The following RUNX1T1 variants were observed in gnomAD, a reference collection of about 807,000 sequenced individuals.
RUNX1T1 encodes the protein RUNX1 partner transcriptional co-repressor 1, also known as protein CBFA2T1.
A neutral mutation model predicts 62.8 loss-of-function variants in RUNX1T1; 4 were observed. That is an observed-to-expected ratio of 0.06 (90% CI 0.03 to 0.15). The LOEUF is 0.15. Among genes scored for constraint, RUNX1T1 ranks in the 10% least tolerant of loss-of-function variants. The pLI is 1.00. For missense variants in RUNX1T1, 508 were observed against 754.3 expected (o/e 0.67, Z 3.82); for synonymous variants, 291 against 286.0 (o/e 1.02, Z -0.18).
intron 1 of RUNX1T1, among the ~76,000 whole-genome samples, chr8:92,030,514 G>C (rs931808450): frequency 2.6e-5 from 4 of 152,174 alleles, no homozygotes; most frequent in Non-Finnish European, 5.9e-5. Flanking sequence ...AGTTTCTTCA[G>C]TAATAGAAAG....
chr8:92,084,486 A>G (rs562335676), intron 1 of RUNX1T1, among the ~76,000 whole-genome samples: 30 of 152,334 alleles, frequency 2.0e-4, no homozygotes, highest in Non-Finnish European at 4.3e-4. Flanking sequence ...CTTTAGTCTC[A>G]GCAGTGAAAT....
At chr8:91,974,207 T>G (rs1028557210) in intron 9 of RUNX1T1, among the ~76,000 whole-genome samples, 16 of 152,094 alleles carry the variant, frequency 1.1e-4, no homozygotes, top group African/African-American at 3.6e-4. Flanking sequence ...AAACAACTGA[T>G]TAAGTGGAAA....
At chr8:91,990,516 G>A (rs952943634) in intron 6 of RUNX1T1, among the ~76,000 whole-genome samples, 6 of 152,208 alleles carry the variant, frequency 3.9e-5, no homozygotes, top group Admixed American at 2.6e-4. Context: ...ATAACCCTCT[G>A]ATACACTATC....
downstream of RUNX1T1, chr8:91,956,175 C>CA (rs1415271038): frequency 1.7e-5 from 4 of 230,446 alleles, no homozygotes; most frequent in Non-Finnish European, 3.4e-5. Context: ...AAAACACAGC[C>CA]AAAAGGGCCT....
chr8:92,035,870 A>T (rs1404023713), intron 1 of RUNX1T1, among the ~76,000 whole-genome samples: 2 of 152,104 alleles, frequency 1.3e-5, no homozygotes, highest in African/African-American at 4.8e-5. Context: ...AATACCAGGA[A>T]AACCATTGGG....
chr8:91,980,120 T>C (rs1465767778), intron 8 of RUNX1T1, among the ~76,000 whole-genome samples: 1 of 152,312 alleles, frequency 6.6e-6, no homozygotes, highest in East Asian at 1.9e-4. Flanking sequence ...CTTTAGGATT[T>C]CCATCTTTTA....
chr8:91,980,483 T>C (rs1814984350), intron 8 of RUNX1T1, among the ~76,000 whole-genome samples: 1 of 152,212 alleles, frequency 6.6e-6, no homozygotes, highest in Non-Finnish European at 1.5e-5. Flanking sequence ...ACAGATTTAC[T>C]ACATTTAAGA....
At chr8:92,018,321 T>G (rs1823414435) in intron 1 of RUNX1T1, among the ~76,000 whole-genome samples, 1 of 152,244 alleles carries the variant, frequency 6.6e-6, no homozygotes, top group South Asian at 2.1e-4. Context: ...TGAAATAATT[T>G]TGGTATCATT....
rs1195415455 is a variant in RUNX1T1, at chr8:92,011,339, A to G, written c.388-248T>C. Among the ~76,000 whole-genome samples the G allele has an allele frequency of 6.6e-5, 10 of 152,238 alleles. No homozygotes were observed. In the East Asian group the frequency reaches 1.9e-3, roughly 29 times the overall value. Reference sequence around the variant, plus strand: ...GTATAGTACTTTGAGGATAATGTGCATGATCACTAGCATGGTTTAATTATC... The same window carrying G: ...GTATAGTACTTTGAGGATAATGTGCGTGATCACTAGCATGGTTTAATTATC... On this transcript the variant is annotated intron_variant, in intron 3 of 10. Transcript: ENST00000396218.
exon 1 of RUNX1T1, chr8:92,062,612 G>T: frequency 6.2e-7 from 1 of 1,614,056 alleles, no homozygotes; most frequent in Non-Finnish European, 8.5e-7. Flanking sequence ...CGCGTTCCGG[G>T]CTCATGCCTC....
At chr8:92,071,901 C>A (rs1833742209) in intron 2 of RUNX1T1, among the ~76,000 whole-genome samples, 1 of 152,194 alleles carries the variant, frequency 6.6e-6, no homozygotes, top group African/African-American at 2.4e-5. Context: ...CCTTCTCCAC[C>A]TCTTCCTAAA....
intron 2 of RUNX1T1, among the ~76,000 whole-genome samples, chr8:92,073,303 A>G (rs996310698): frequency 1.2e-4 from 19 of 152,148 alleles, no homozygotes; most frequent in Non-Finnish European, 2.1e-4. Context: ...GAAACACAAC[A>G]GCGTTCTCAT....
chr8:92,034,745 C>CACACATAT (rs1563810019), intron 1 of RUNX1T1, among the ~76,000 whole-genome samples: 4 of 148,490 alleles, frequency 2.7e-5, no homozygotes, highest in East Asian at 2.0e-4. Flanking sequence ...CATATATATA[C>CACACATAT]ACATATATAT....
At chr8:92,069,107 G>A (rs1216530421) in intron 2 of RUNX1T1, among the ~76,000 whole-genome samples, 2 of 150,824 alleles carry the variant, frequency 1.3e-5, no homozygotes, top group African/African-American at 2.4e-5. Context: ...TGTGGGTGGT[G>A]AAATTATATA....
At chr8:92,020,924 C>G (rs1823960199) in intron 1 of RUNX1T1, among the ~76,000 whole-genome samples, 1 of 147,306 alleles carries the variant, frequency 6.8e-6, no homozygotes, top group Non-Finnish European at 1.5e-5. Flanking sequence ...AGATGTGTTT[C>G]TAAGGTACAA....
chr8:92,054,789 A>G (rs28516558), intron 1 of RUNX1T1, among the ~76,000 whole-genome samples: 197 of 152,112 alleles, frequency 1.3e-3, no homozygotes, highest in African/African-American at 4.6e-3. Context: ...AGATCAGGAG[A>G]CTGAGACCAT....
exon 10 of RUNX1T1, chr8:91,970,694 T>C (rs1316793495): frequency 1.9e-6 from 3 of 1,612,296 alleles, no homozygotes; most frequent in Non-Finnish European, 2.5e-6. Flanking sequence ...TAACTGCCAG[T>C]GCGTCCTCCG....
At chr8:91,993,864 T>C (rs901684795) in intron 5 of RUNX1T1, among the ~76,000 whole-genome samples, 2 of 152,040 alleles carry the variant, frequency 1.3e-5, no homozygotes, top group African/African-American at 4.8e-5. Context: ...TAGTGGTGCA[T>C]GCCTGTAGTC....
At chr8:92,051,684 C>T (rs2130390848) in intron 1 of RUNX1T1, among the ~76,000 whole-genome samples, 1 of 151,826 alleles carries the variant, frequency 6.6e-6, no homozygotes, top group East Asian at 1.9e-4. Context: ...TCAGACGCGG[C>T]TTGGAAGATA....
Sources: allele counts gnomAD v4.1 joint callset (sites outside exome capture counted in the v4.1 genomes callset), GRCh38; gene constraint gnomAD v4.1.1; transcripts MANE v1.5; gene names NCBI Gene and HGNC (gene_info 2026-07-23, HGNC 2026-07-21).